GASK1A: variants seen among roughly 807,000 people sequenced by gnomAD.
The protein encoded by GASK1A is Golgi-associated kinase 1A.
Under a neutral mutation model 41.2 loss-of-function variants are expected in GASK1A, and 40 were observed. The ratio of observed to expected loss-of-function variants is 0.97; its 90% CI spans 0.75 to 1.27. The LOEUF (loss-of-function observed/expected upper bound fraction) is 1.27, where lower values mean the gene tolerates loss of function less well. Among genes scored for constraint, GASK1A ranks in the 50% most tolerant of loss-of-function variants. GASK1A has a pLI of 0.00. For missense variants in GASK1A, 678 were observed against 745.1 expected, an observed-to-expected ratio of 0.91 and a Z score of 1.05; for synonymous variants, 316 against 307.1, an observed-to-expected ratio of 1.03 and a Z score of -0.30.
At chr3:42,980,072 G>A (rs752634995) in intron 1 of GASK1A, among the ~76,000 whole-genome samples, 2 of 152,150 alleles carry the variant, frequency 1.3e-5, no homozygotes, top group Non-Finnish European at 2.9e-5. Flanking sequence ...ATTTAGCTAT[G>A]TATTGATATT....
intron 1 of GASK1A, among the ~76,000 whole-genome samples, chr3:43,005,545 G>A (rs1388885696): frequency 2.0e-5 from 3 of 152,150 alleles, no homozygotes; most frequent in African/African-American, 7.2e-5. Context: ...GGCTATTGGA[G>A]TACTGCATTG....
chr3:43,055,325 G>A (rs2089710455), intron 3 of GASK1A, 107 bp from the exon 4 acceptor site: 1 of 719,116 alleles, frequency 1.4e-6, no homozygotes, highest in Admixed American at 2.4e-5. Flanking sequence ...TGGACTGTGG[G>A]ACTGACAGCT....
At chr3:43,001,371 CA>C (rs1456543813) in intron 1 of GASK1A, among the ~76,000 whole-genome samples, 2 of 152,182 alleles carry the variant, frequency 1.3e-5, no homozygotes, top group African/African-American at 4.8e-5. Flanking sequence ...ATCCAAACAG[CA>C]CGTGGCCACA....
In GASK1A at chr3:42,984,588, G is replaced by A. The variant is rs1275014468; in HGVS notation, c.3+4943G>A. ...GATGAGGGCTGATGTGAAGGGTGAG[G>A]AAACAGCAGGAGTATAACTGAAATG... On this transcript the variant is annotated intron_variant, in intron 1 of 4. Transcript: ENST00000430121. This position sits in a 1 kb window ranked among gnomAD's most constrained non-coding sequence, Gnocchi z 4.2. 6.6e-6 allele frequency among the ~76,000 whole-genome samples: 1 copy of A among 152,144 alleles called. No homozygotes were observed. Among genetic ancestry groups the A allele is most frequent in the Admixed American group, 6.5e-5 (1 of 15,280 alleles).
At chr3:43,002,194 G>T (rs908605381) in intron 1 of GASK1A, among the ~76,000 whole-genome samples, 1 of 152,138 alleles carries the variant, frequency 6.6e-6, no homozygotes, top group Non-Finnish European at 1.5e-5. Flanking sequence ...ACCGACAGTC[G>T]CAGAGGCTGA....
At chr3:43,006,932 C>A (rs1392115996) in intron 1 of GASK1A, among the ~76,000 whole-genome samples, 1 of 151,768 alleles carries the variant, frequency 6.6e-6, no homozygotes, top group African/African-American at 2.4e-5. Flanking sequence ...ATGATCAAAG[C>A]TTTGCTCCAC....
chr3:43,023,128 C>T (rs1179577481), intron 1 of GASK1A, among the ~76,000 whole-genome samples: 1 of 152,110 alleles, frequency 6.6e-6, no homozygotes, highest in East Asian at 1.9e-4. Context: ...TGTGGATTAC[C>T]CAGGTGGACC....
chr3:43,002,480 C>G (rs1449649096), intron 1 of GASK1A, among the ~76,000 whole-genome samples: 1 of 152,148 alleles, frequency 6.6e-6, no homozygotes, highest in Admixed American at 6.5e-5. Context: ...TTTAGTATAG[C>G]ATTTCTCAAG....
intron 2 of GASK1A, among the ~76,000 whole-genome samples, chr3:43,038,385 G>A (rs1290410424): frequency 2.0e-5 from 3 of 152,134 alleles, no homozygotes; most frequent in African/African-American, 4.8e-5. Context: ...TGTTAATTCT[G>A]TTTAGTCATT....
intron 1 of GASK1A, among the ~76,000 whole-genome samples, chr3:43,030,049 T>G (rs2089566760): frequency 6.6e-6 from 1 of 152,140 alleles, no homozygotes; most frequent in Non-Finnish European, 1.5e-5. Flanking sequence ...CAGGCTGGAG[T>G]GCAATGGTGC....
chr3:43,003,864 G>T (rs562206366), intron 1 of GASK1A, among the ~76,000 whole-genome samples: 1 of 152,150 alleles, frequency 6.6e-6, no homozygotes, highest in African/African-American at 2.4e-5. Flanking sequence ...ACCAGTAAAG[G>T]TGTATGACCA....
In GASK1A at chr3:43,033,544, C is replaced by T. The variant is rs1211910321; in HGVS notation, c.1281C>T (p.Phe427=). The T allele has an allele frequency of 6.5e-7, 1 of 1,529,444 alleles. No individual in the cohort carries two copies. The highest frequency in any genetic ancestry group is 1.4e-5 in the African/African-American group (1 of 72,748). 94.7% of individuals were successfully genotyped at this position (1,529,444 alleles called of 1,614,324 possible). A position where few individuals can be genotyped will look rare whatever the true frequency, so the allele number is the denominator to read the frequency against. Residue 427 remains phenylalanine (F), a synonymous_variant, in exon 2 of 5, where the codon TTC becomes TTT. Transcript: ENST00000430121. ...GGGCACGCCTGGCGCTCTTCGACTT[C>T]CTGTTGCAGGTAGGTGGGGTTGGGC... ...TEWARLALFD[F]LLQVHDRLDR... is the part of the protein sequence containing the mutation.
rs80265957 is a variant in GASK1A at position 43,019,506 on chromosome 3, C to T, written c.4-12761C>T. On this transcript the variant is annotated intron_variant, in intron 1 of 4. Coordinates refer to ENST00000430121, the MANE Select transcript of GASK1A (RefSeq NM_001129908.3). ...TAGGACTGGGACATGTGGTTTTAAT[C>T]CAGCCCTCTGAAAAAGTCTGCTCAT... Among the ~76,000 whole-genome samples, 264 of 152,266 alleles carry T rather than the reference C, an allele frequency of 1.7e-3. 6 individuals carry two copies. In the East Asian group the frequency reaches 0.046, roughly 26 times the overall value.
At chr3:43,044,232 C>T (rs756872313) in intron 2 of GASK1A, among the ~76,000 whole-genome samples, 55 of 152,162 alleles carry the variant, frequency 3.6e-4, no homozygotes, top group Non-Finnish European at 6.2e-4. Context: ...CTGACATTTG[C>T]TGTCCTGGCC....
At chr3:42,985,140 A>C (rs182843075) in intron 1 of GASK1A, among the ~76,000 whole-genome samples, 2 of 152,266 alleles carry the variant, frequency 1.3e-5, no homozygotes, top group Admixed American at 6.5e-5. Flanking sequence ...GATTGAGGGA[A>C]AAGGAGGAAG....
At chr3:43,001,731 C>T (rs952677145) in intron 1 of GASK1A, among the ~76,000 whole-genome samples, 6 of 152,122 alleles carry the variant, frequency 3.9e-5, no homozygotes, top group South Asian at 2.1e-4. Flanking sequence ...TAGGTGGGCC[C>T]CTGCGGATGT....
At chr3:43,025,806 T>C (rs1333239336) in intron 1 of GASK1A, among the ~76,000 whole-genome samples, 1 of 152,148 alleles carries the variant, frequency 6.6e-6, no homozygotes, top group African/African-American at 2.4e-5. Context: ...AAAAGTACCA[T>C]TGAGGACTGC....
At chr3:42,998,910 G>A (rs2089391307) in intron 1 of GASK1A, among the ~76,000 whole-genome samples, 1 of 152,158 alleles carries the variant, frequency 6.6e-6, no homozygotes, top group Admixed American at 6.5e-5. Flanking sequence ...TTCACAGCGT[G>A]AGAAAAGCCT....
intron 1 of GASK1A, among the ~76,000 whole-genome samples, chr3:43,016,659 T>TG (rs1392647622): frequency 1.3e-5 from 2 of 149,036 alleles, no homozygotes; most frequent in Admixed American, 1.3e-4. Flanking sequence ...GAAGGGGAAG[T>TG]GGGAAGCCAC....
Sources: allele counts gnomAD v4.1 joint callset (sites outside exome capture counted in the v4.1 genomes callset), GRCh38; gene constraint gnomAD v4.1.1; non-coding constraint Gnocchi (gnomAD v3.1); transcripts MANE v1.5; gene names NCBI Gene and HGNC (gene_info 2026-07-23, HGNC 2026-07-21).